Variants in HAUS2 observed in about 807,000 individuals in gnomAD.
HAUS2 encodes HAUS augmin like complex subunit 2.
A neutral mutation model predicts 21.6 loss-of-function variants in HAUS2; 20 were observed. The ratio of observed to expected loss-of-function variants is 0.93; its 90% CI spans 0.65 to 1.35. The LOEUF (loss-of-function observed/expected upper bound fraction) is 1.35. Ranked by LOEUF, HAUS2 falls within the 40% of genes most tolerant of loss-of-function variation. The pLI, the probability that HAUS2 is intolerant of heterozygous loss-of-function variation, is 0.00. For missense variants in HAUS2, 297 were observed against 280.7 expected, an observed-to-expected ratio of 1.06 and a Z score of -0.42; for synonymous variants, 113 against 95.6, an observed-to-expected ratio of 1.18 and a Z score of -1.06.
At chr15:42,559,277 C>G in intron 2 of HAUS2, 62 bp from the exon 3 acceptor site, 2 of 938,856 alleles carry the variant, frequency 2.1e-6, no homozygotes, top group Non-Finnish European at 1.8e-6. Flanking sequence ...AGGAGTGAGC[C>G]ACCGCACCTG....
intron 5 of HAUS2, among the ~76,000 whole-genome samples, chr15:42,564,066 G>A (rs2057880799): frequency 6.6e-6 from 1 of 152,014 alleles, no homozygotes; most frequent in Non-Finnish European, 1.5e-5. Flanking sequence ...AGGAGTTGGA[G>A]ACCAGCCTGG....
rs1436872788 is a variant in HAUS2 at position 42,569,901 on chromosome 15, A to G, written c.*3085A>G. The G allele has an allele frequency of 2.0e-5, 3 of 152,166 alleles. No individual in the cohort carries two copies. Among genetic ancestry groups the G allele is most frequent in the South Asian group, 2.1e-4 (1 of 4,834 alleles). The allele number at this position is 152,166 out of a possible 1,614,324, so 9.4% of individuals were successfully genotyped here. ...TATATTCATTTTTGTGTGTATGTGT[A>G]TGTCACAAATATTGATATGCCTGGT... On this transcript the variant is annotated 3_prime_UTR_variant, in exon 6 of 6. Transcript: ENST00000260372.
intron 1 of HAUS2, among the ~76,000 whole-genome samples, chr15:42,553,438 G>A (rs1227083035): frequency 1.3e-5 from 2 of 151,586 alleles, no homozygotes; most frequent in African/African-American, 2.4e-5. Flanking sequence ...ATAGCTAAAG[G>A]AAAAGACTTT....
intron 4 of HAUS2, 31 bp downstream of exon 4, chr15:42,561,433 C>T: frequency 1.4e-6 from 2 of 1,481,106 alleles, no homozygotes; most frequent in Non-Finnish European, 1.9e-6. Context: ...TTAACAGTTA[C>T]ACCTGTTTTC....
intron 1 of HAUS2, among the ~76,000 whole-genome samples, chr15:42,549,765 CAAA>C (rs58614126): frequency 1.7e-5 from 1 of 58,082 alleles, no homozygotes; most frequent in Admixed American, 2.6e-4. Flanking sequence ...TCTTTAAAGG[CAAA>C]AAAAAAAAAA....
chr15:42,556,376 G>T (rs1357444069), intron 1 of HAUS2, among the ~76,000 whole-genome samples: 1 of 142,898 alleles, frequency 7.0e-6, no homozygotes, highest in Non-Finnish European at 1.5e-5. Flanking sequence ...CAATTCTCCT[G>T]CCTCAGCCTC....
intron 3 of HAUS2, 92 bp downstream of exon 3, chr15:42,559,500 C>G (rs982807052): frequency 2.7e-6 from 2 of 744,864 alleles, no homozygotes; most frequent in African/African-American, 3.5e-5. Flanking sequence ...TTATGATACA[C>G]CATCATTTTT....
At chr15:42,564,889 G>A (rs961231476) in intron 5 of HAUS2, among the ~76,000 whole-genome samples, 9 of 152,206 alleles carry the variant, frequency 5.9e-5, no homozygotes, top group African/African-American at 1.7e-4. Flanking sequence ...AGGCTGGAGT[G>A]CAATGGCACA....
At position 42,569,532 on chromosome 15, in the gene HAUS2, C is replaced by G. The variant is rs893932585; in HGVS notation, c.*2716C>G. On this transcript the variant is annotated 3_prime_UTR_variant, in exon 6 of 6. Coordinates refer to ENST00000260372, the MANE Select transcript of HAUS2 (RefSeq NM_018097.3). ...ATGTTGTTGAGGCTGGTCTTGAACT[C>G]CTGGGTTCAAACGACCCTCCCGCCT... is the stretch of plus-strand genomic sequence containing the variant. 1.3e-5 allele frequency: 2 copies of G among 152,102 alleles called. No individual in the cohort carries two copies. The highest frequency in any genetic ancestry group is 2.9e-5 in the Non-Finnish European group (2 of 68,104). The allele number at this position is 152,102 out of a possible 1,614,324, so 9.4% of individuals were successfully genotyped here.
intron 5 of HAUS2, among the ~76,000 whole-genome samples, chr15:42,564,478 G>A (rs8040624): frequency 0.047 from 7,140 of 152,114 alleles, 564 homozygotes; most frequent in African/African-American, 0.16. Context: ...AATTCTCAAC[G>A]TTTGGTGAGA....
At chr15:42,560,709 C>T in intron 3 of HAUS2, 1 of 664,668 alleles carries the variant, frequency 1.5e-6, no homozygotes, top group South Asian at 1.6e-5. Context: ...TCAACTGATT[C>T]TCTCAAGTAG....
intron 3 of HAUS2, chr15:42,560,747 C>T (rs1566833975): frequency 5.7e-6 from 4 of 698,552 alleles, no homozygotes; most frequent in East Asian, 5.4e-5. Context: ...TGCCACCATG[C>T]CCAGCTAATT....
intron 3 of HAUS2, 117 bp from the exon 4 acceptor site, chr15:42,561,153 G>A (rs2057848396): frequency 6.4e-6 from 4 of 626,576 alleles, no homozygotes; most frequent in Non-Finnish European, 1.1e-5. Context: ...AAAGGAGACA[G>A]GAGGGTAATG....
At chr15:42,558,137 T>A in intron 1 of HAUS2, 61 bp from the exon 2 acceptor site, 1 of 738,574 alleles carries the variant, frequency 1.4e-6, no homozygotes, top group Non-Finnish European at 2.4e-6. Context: ...GGCATGCTAT[T>A]CCAATGTACC....
chr15:42,557,012 C>G (rs1390651753), intron 1 of HAUS2, among the ~76,000 whole-genome samples: 1 of 151,138 alleles, frequency 6.6e-6, no homozygotes, highest in African/African-American at 2.4e-5. Flanking sequence ...CCATTGTGCT[C>G]CAGCCTGGGT....
chr15:42,549,863 A>G (rs73406509), intron 1 of HAUS2, among the ~76,000 whole-genome samples: 7,112 of 151,796 alleles, frequency 0.047, 560 homozygotes, highest in African/African-American at 0.16. Context: ...GAGAAAAGAG[A>G]CATTAACCCA....
intron 4 of HAUS2, chr15:42,561,671 CTGTT>C: frequency 6.4e-6 from 2 of 314,342 alleles, no homozygotes; most frequent in Non-Finnish European, 1.2e-5. Flanking sequence ...ACAATAAAAA[CTGTT>C]TGTATGTGAA....
chr15:42,560,591 G>A (rs2057839054), intron 3 of HAUS2, among the ~76,000 whole-genome samples: 1 of 151,510 alleles, frequency 6.6e-6, no homozygotes, highest in South Asian at 2.1e-4. Flanking sequence ...GGAAAATAAT[G>A]AGATAATCAG....
intron 4 of HAUS2, among the ~76,000 whole-genome samples, chr15:42,561,891 T>C (rs1307376966): frequency 1.3e-5 from 2 of 152,202 alleles, no homozygotes; most frequent in African/African-American, 2.4e-5. Context: ...TCCCAATAAA[T>C]AGAATAGAGA....
Sources: gnomAD v4.1 joint callset for allele counts (sites outside exome capture counted in the v4.1 genomes callset) on GRCh38, gnomAD v4.1.1 for gene constraint, MANE v1.5 for transcripts, NCBI Gene and HGNC (gene_info 2026-07-23, HGNC 2026-07-21) for gene names.